SLC30A4: variants seen among roughly 807,000 people sequenced by gnomAD.
SLC30A4 encodes solute carrier family 30 member 4.
SLC30A4 carries 20 observed loss-of-function variants against 41.7 expected under a neutral mutation model. That is an observed-to-expected ratio of 0.48 (90% CI 0.34 to 0.70). The LOEUF (loss-of-function observed/expected upper bound fraction) is 0.70, where lower values mean the gene tolerates loss of function less well. Among genes scored for constraint, SLC30A4 ranks in the 30% least tolerant of loss-of-function variants. SLC30A4 has a pLI of 0.01. For missense variants in SLC30A4, 441 were observed against 529.3 expected, an observed-to-expected ratio of 0.83 and a Z score of 1.64; for synonymous variants, 181 against 195.9, an observed-to-expected ratio of 0.92 and a Z score of 0.64.
chr15:45,511,988 G>A (rs182045496), intron 2 of SLC30A4, among the ~76,000 whole-genome samples: 3 of 152,284 alleles, frequency 2.0e-5, no homozygotes, highest in Admixed American at 6.5e-5. Flanking sequence ...GTTGAGGGGC[G>A]TTGGAACATA....
At chr15:45,499,105 CG>C (rs1237394552) in intron 3 of SLC30A4, among the ~76,000 whole-genome samples, 1 of 137,518 alleles carries the variant, frequency 7.3e-6, no homozygotes, top group African/African-American at 2.7e-5. Flanking sequence ...TTTTTTGAGA[CG>C]GAGTCTCACT....
intron 2 of SLC30A4, 35 bp from the exon 3 acceptor site, chr15:45,511,319 T>C: frequency 6.8e-7 from 1 of 1,473,594 alleles, no homozygotes; most frequent in South Asian, 1.5e-5. Flanking sequence ...AAGGAACAAG[T>C]TAATTTTTTA....
Position 45,515,099 on chromosome 15 carries a change from C to T in SLC30A4, c.392-3815G>A, listed in dbSNP as rs1892427049. Among the ~76,000 whole-genome samples, 5 of 151,512 alleles carry T rather than the reference C, an allele frequency of 3.3e-5. No individual in the cohort carries two copies. The South Asian group carries it at 1.0e-3, about 32-fold the overall frequency. ...ACAAGGTGTCACTATGTTGTCCAGGCTGGTCTTGAATTCTTGGACTCAGGC... is the reference window on the plus strand; with the variant it reads ...ACAAGGTGTCACTATGTTGTCCAGGTTGGTCTTGAATTCTTGGACTCAGGC... On this transcript the variant is annotated intron_variant, in intron 2 of 7. Coordinates refer to ENST00000261867, the MANE Select transcript of SLC30A4 (RefSeq NM_013309.6).
intron 3 of SLC30A4, among the ~76,000 whole-genome samples, chr15:45,496,265 T>C (rs1048513283): frequency 5.3e-4 from 81 of 152,294 alleles, no homozygotes; most frequent in African/African-American, 1.8e-3. Context: ...TCCTTCATAA[T>C]ATTCTTAACA....
chr15:45,481,306 T>G lies in SLC30A4; in HGVS notation c.*3857A>C, dbSNP rs1457209475. On this transcript the variant is annotated 3_prime_UTR_variant, in exon 8 of 8. Coordinates refer to ENST00000261867, the MANE Select transcript of SLC30A4 (RefSeq NM_013309.6). ...TAGCTAATGGAAATGTATGTAGGAATTACAATAGCTTCCAGTTCTGCATAT... is the reference window on the plus strand; with the variant it reads ...TAGCTAATGGAAATGTATGTAGGAAGTACAATAGCTTCCAGTTCTGCATAT... 6.6e-6 allele frequency: 1 copy of G among 152,230 alleles called. No individual in the cohort carries two copies. Among genetic ancestry groups the G allele is most frequent in the East Asian group, 1.9e-4 (1 of 5,202 alleles). The allele number at this position is 152,230 out of a possible 1,614,324, so 9.4% of individuals were successfully genotyped here.
intron 2 of SLC30A4, among the ~76,000 whole-genome samples, chr15:45,517,093 C>T (rs1892501710): frequency 6.6e-6 from 1 of 151,934 alleles, no homozygotes; most frequent in African/African-American, 2.4e-5. Context: ...TAGTTCTCAT[C>T]TAATTAGACC....
At chr15:45,500,656 C>A (rs1294575050) in intron 3 of SLC30A4, among the ~76,000 whole-genome samples, 1 of 128,282 alleles carries the variant, frequency 7.8e-6, no homozygotes, top group Non-Finnish European at 1.6e-5. Context: ...ATCTATCTAT[C>A]TATCTATATG....
chr15:45,495,737 A>C lies in SLC30A4; in HGVS notation c.539-4856T>G, dbSNP rs148169694. On this transcript the variant is annotated intron_variant, in intron 3 of 7. Transcript: ENST00000261867. ...ACTATATTCTGGCAGCCTGCAGCTG[A>C]AAAGTCAGTTCTCTATGCCACAGTT... 4.6e-5 allele frequency among the ~76,000 whole-genome samples: 7 copies of C among 152,320 alleles called. No individual in the cohort carries two copies. The East Asian group carries it at 1.3e-3, about 29-fold the overall frequency.
At chr15:45,503,300 T>C (rs1421853928) in intron 3 of SLC30A4, among the ~76,000 whole-genome samples, 1 of 152,178 alleles carries the variant, frequency 6.6e-6, no homozygotes, top group East Asian at 1.9e-4. Flanking sequence ...TAATATTTTA[T>C]TCAATAAAAG....
chr15:45,522,403 G>C lies in SLC30A4; in HGVS notation c.-49C>G, dbSNP rs1056042430. 20 of 1,515,056 alleles carry C rather than the reference G, an allele frequency of 1.3e-5. No homozygotes were observed. The highest frequency in any genetic ancestry group is 1.6e-5 in the Non-Finnish European group (18 of 1,138,234). 93.9% of individuals were successfully genotyped at this position (1,515,056 alleles called of 1,614,324 possible). On this transcript the variant is annotated 5_prime_UTR_variant, in exon 2 of 8. Transcript: ENST00000261867. Reference sequence around the variant, plus strand: ...GCGGAACGGCTTGGGGGAGGCGGACGGCCGGCGGCGCCTACTTCACCGGAG... The same window carrying C: ...GCGGAACGGCTTGGGGGAGGCGGACCGCCGGCGGCGCCTACTTCACCGGAG...
At chr15:45,486,029 C>A (rs576491502) in intron 7 of SLC30A4, among the ~76,000 whole-genome samples, 21 of 148,958 alleles carry the variant, frequency 1.4e-4, no homozygotes, top group African/African-American at 5.2e-4. Flanking sequence ...GGGAAATATT[C>A]TTTTTTTTTC....
intron 5 of SLC30A4, among the ~76,000 whole-genome samples, chr15:45,487,990 T>TGTGTGTGG (rs1891740999): frequency 6.6e-6 from 1 of 151,026 alleles, no homozygotes; most frequent in African/African-American, 2.4e-5. Flanking sequence ...TGTGTGTGTG[T>TGTGTGTGG]GTGTGTGTGT....
intron 3 of SLC30A4, among the ~76,000 whole-genome samples, chr15:45,500,140 C>T (rs145379404): frequency 9.5e-4 from 145 of 152,028 alleles, no homozygotes; most frequent in African/African-American, 3.4e-3. Context: ...GGGAGAAGAA[C>T]GGTAGGCCAT....
chr15:45,494,513 C>T lies in SLC30A4; in HGVS notation c.539-3632G>A, dbSNP rs192039574. On this transcript the variant is annotated intron_variant, in intron 3 of 7. Transcript: ENST00000261867. ...CAGCCTGGCCAACATGGCAAAACCC[C>T]ATCTCTACTAAAAGTACAAAAATTA... is the stretch of plus-strand genomic sequence containing the variant. 4.6e-5 allele frequency among the ~76,000 whole-genome samples: 7 copies of T among 151,930 alleles called. No individual in the cohort carries two copies. In the East Asian group the frequency reaches 1.4e-3, roughly 30 times the overall value.
intron 2 of SLC30A4, chr15:45,521,148 G>A (rs1191979816): frequency 5.5e-6 from 2 of 366,836 alleles, no homozygotes; most frequent in Non-Finnish European, 1.1e-5. Flanking sequence ...TCATCTCCCT[G>A]CTTTTATGTC....
At chr15:45,506,545 CT>C (rs1294675446) in intron 3 of SLC30A4, among the ~76,000 whole-genome samples, 1 of 152,174 alleles carries the variant, frequency 6.6e-6, no homozygotes, top group African/African-American at 2.4e-5. Flanking sequence ...ACACCAACTG[CT>C]TTGGTTTACA....
intron 3 of SLC30A4, among the ~76,000 whole-genome samples, chr15:45,499,467 C>A (rs1891975028): frequency 6.6e-6 from 1 of 152,060 alleles, no homozygotes; most frequent in Non-Finnish European, 1.5e-5. Flanking sequence ...TGAGCATTAT[C>A]TTTATCTAAT....
In SLC30A4 at chr15:45,484,979, CAA is replaced by C; in HGVS notation, c.*182_*183del. The stretch of plus-strand genomic sequence containing the variant: ...AAACATCTTCATCTGAAAATTATGG[CAA>C]AGTCTCCTTTTACCATTAAACAGAG... On this transcript the variant is annotated 3_prime_UTR_variant, in exon 8 of 8. Transcript: ENST00000261867. The C allele has an allele frequency of 1.8e-6, 1 of 548,802 alleles. No homozygotes were observed. Among genetic ancestry groups the C allele is most frequent in the Non-Finnish European group, 3.2e-6 (1 of 313,844 alleles). The allele number at this position is 548,802 out of a possible 1,614,324, so 34.0% of individuals were successfully genotyped here.
intron 2 of SLC30A4, among the ~76,000 whole-genome samples, chr15:45,512,823 G>A (rs1411120097): frequency 6.6e-6 from 1 of 152,102 alleles, no homozygotes; most frequent in Admixed American, 6.6e-5. Flanking sequence ...TGGCTTTTCA[G>A]CATTTAAAAA....
Sources: gnomAD v4.1 joint callset for allele counts (sites outside exome capture counted in the v4.1 genomes callset) on GRCh38, gnomAD v4.1.1 for gene constraint, MANE v1.5 for transcripts, NCBI Gene and HGNC (gene_info 2026-07-23, HGNC 2026-07-21) for gene names.